Variants in CDKN2B-AS1 observed in about 807,000 individuals in gnomAD.
CDKN2B-AS1 encodes the protein CDKN2B antisense RNA 1 (non-protein coding).
At chr9:22,048,271 A>G (rs985274121) in intron 2 of CDKN2B-AS1, among the ~76,000 whole-genome samples, 1 of 152,134 alleles carries the variant, frequency 6.6e-6, no homozygotes, top group Non-Finnish European at 1.5e-5. Flanking sequence ...CTGGTATGAA[A>G]TATCTCAGCT....
intron 4 of CDKN2B-AS1, among the ~76,000 whole-genome samples, chr9:22,110,454 A>G (rs553593324): frequency 2.6e-5 from 4 of 152,196 alleles, no homozygotes; most frequent in African/African-American, 4.8e-5. Context: ...ACAGATGAAG[A>G]TACAGTACTT....
In CDKN2B-AS1 at chr9:22,018,306, T is replaced by C. The variant is rs567994098; in HGVS notation, n.29+23145T>C. On this transcript the variant is annotated intron_variant and non_coding_transcript_variant, in intron 1 of 4. Transcript: ENST00000650946. ...TGGATCCTGATGACTTTTTTTTTTTTAATTGTTACTTTCAACTTCCTTGCT... is the reference window on the plus strand; with the variant it reads ...TGGATCCTGATGACTTTTTTTTTTTCAATTGTTACTTTCAACTTCCTTGCT... Among the ~76,000 whole-genome samples the C allele has an allele frequency of 1.6e-3, 234 of 150,946 alleles. 1 individual carries two copies. Among genetic ancestry groups the C allele is most frequent in the Middle Eastern group, 3.5e-3 (1 of 284 alleles).
At chr9:22,062,656 A>G (rs1226920440) in intron 4 of CDKN2B-AS1, among the ~76,000 whole-genome samples, 2 of 151,636 alleles carry the variant, frequency 1.3e-5, no homozygotes, top group African/African-American at 2.4e-5. Flanking sequence ...AATTTCCCCT[A>G]AGTGAGGTGA....
At chr9:22,096,646 A>T (rs1825286368) in intron 4 of CDKN2B-AS1, 1 of 152,176 alleles carries the variant, frequency 6.6e-6, no homozygotes, top group Non-Finnish European at 1.5e-5. Flanking sequence ...GACCTTTGTT[A>T]TTTGTCTCTG....
intron 1 of CDKN2B-AS1, among the ~76,000 whole-genome samples, chr9:22,010,363 A>G (rs1821436140): frequency 6.6e-6 from 1 of 152,216 alleles, no homozygotes; most frequent in Admixed American, 6.5e-5. Context: ...TTTGTTGCCT[A>G]AAAACTTTGG....
At chr9:22,112,085 A>G (rs1825818818) in intron 4 of CDKN2B-AS1, 1 of 152,198 alleles carries the variant, frequency 6.6e-6, no homozygotes, top group Admixed American at 6.6e-5. Flanking sequence ...TGTATGAGTC[A>G]CATCTCTGTT....
chr9:22,119,895 C>G (rs1826055145), intron 4 of CDKN2B-AS1: 2 of 152,198 alleles, frequency 1.3e-5, no homozygotes, highest in African/African-American at 4.8e-5. Flanking sequence ...AACCAACATC[C>G]CAAACCCAGT....
intron 1 of CDKN2B-AS1, among the ~76,000 whole-genome samples, chr9:22,044,488 T>A (rs990771324): frequency 6.6e-6 from 1 of 152,088 alleles, no homozygotes; most frequent in African/African-American, 2.4e-5. Flanking sequence ...TATATATTTT[T>A]GTTATTATCC....
At chr9:22,082,915 T>C (rs1382129442) in intron 4 of CDKN2B-AS1, among the ~76,000 whole-genome samples, 1 of 152,094 alleles carries the variant, frequency 6.6e-6, no homozygotes, top group Non-Finnish European at 1.5e-5. Context: ...TGGCTCATGA[T>C]AGTGATCATT....
At chr9:22,126,500 C>A (rs1818024669) in intron 4 of CDKN2B-AS1, among the ~76,000 whole-genome samples, 1 of 150,170 alleles carries the variant, frequency 6.7e-6, no homozygotes, top group Non-Finnish European at 1.5e-5. Context: ...GTTTGCTTAT[C>A]TTTCGAAAGA....
chr9:22,102,188 A>T (rs1053501006), intron 4 of CDKN2B-AS1, among the ~76,000 whole-genome samples: 5 of 152,102 alleles, frequency 3.3e-5, no homozygotes, highest in African/African-American at 1.2e-4. Context: ...TGAATTGCAC[A>T]TTTGCTCTTG....
intron 1 of CDKN2B-AS1, chr9:22,046,385 C>T (rs1563944310): frequency 6.6e-6 from 1 of 151,958 alleles, no homozygotes; most frequent in South Asian, 2.1e-4. Context: ...AATGATGAAG[C>T]CAGAATTTGA....
intron 1 of CDKN2B-AS1, among the ~76,000 whole-genome samples, chr9:22,033,516 G>A (rs1274984728): frequency 6.6e-6 from 1 of 152,048 alleles, no homozygotes; most frequent in Non-Finnish European, 1.5e-5. Flanking sequence ...CCTGAAACCT[G>A]CCACTCCAAT....
At chr9:22,009,469 T>G (rs1029282535) in intron 1 of CDKN2B-AS1, 2 of 263,226 alleles carry the variant, frequency 7.6e-6, no homozygotes, top group Non-Finnish European at 1.5e-5. Flanking sequence ...CTAGGACGCA[T>G]GCGCCAGAGA....
At chr9:22,086,368 C>G (rs181396738) in intron 4 of CDKN2B-AS1, among the ~76,000 whole-genome samples, 5 of 152,256 alleles carry the variant, frequency 3.3e-5, no homozygotes, top group South Asian at 2.1e-4. Context: ...ACACAAGTAA[C>G]TTGAGAAAGG....
At chr9:22,126,227 T>C (rs1818021833) in intron 4 of CDKN2B-AS1, among the ~76,000 whole-genome samples, 1 of 152,230 alleles carries the variant, frequency 6.6e-6, no homozygotes, top group South Asian at 2.1e-4. Flanking sequence ...TTCCAACCTA[T>C]GTTTTTCCAG....
At chr9:22,015,152 A>G (rs1483952910) in intron 1 of CDKN2B-AS1, among the ~76,000 whole-genome samples, 1 of 152,092 alleles carries the variant, frequency 6.6e-6, no homozygotes, top group Non-Finnish European at 1.5e-5. Context: ...GTCAAATGGT[A>G]TTTCTAGTTC....
intron 4 of CDKN2B-AS1, among the ~76,000 whole-genome samples, chr9:22,061,405 T>A (rs1823813556): frequency 6.6e-6 from 1 of 152,200 alleles, no homozygotes; most frequent in Non-Finnish European, 1.5e-5. Flanking sequence ...GAGAACGAAT[T>A]GTGTGTTTAT....
At chr9:22,032,282 C>T (rs1822510206) in intron 1 of CDKN2B-AS1, among the ~76,000 whole-genome samples, 1 of 152,142 alleles carries the variant, frequency 6.6e-6, no homozygotes, top group Non-Finnish European at 1.5e-5. Flanking sequence ...AGAATTGTGA[C>T]TTCTAACACT....
Sources: allele counts gnomAD v4.1 joint callset (sites outside exome capture counted in the v4.1 genomes callset), GRCh38; gene constraint gnomAD v4.1.1; transcripts MANE v1.5; gene names NCBI Gene and HGNC (gene_info 2026-07-23, HGNC 2026-07-21).